The following SGCZ variants were observed in gnomAD, a reference collection of about 807,000 sequenced individuals.
SGCZ encodes sarcoglycan zeta.
SGCZ carries 40 observed loss-of-function variants against 41.3 expected under a neutral mutation model. The observed-to-expected ratio is 0.97, with a 90% confidence interval of 0.75 to 1.26. The LOEUF is 1.26. Ranked by LOEUF, SGCZ falls within the 50% of genes most tolerant of loss-of-function variation. SGCZ has a pLI of 0.00. For missense variants in SGCZ, 552 were observed against 369.8 expected, an observed-to-expected ratio of 1.49 and a Z score of -4.04; for synonymous variants, 206 against 137.5, an observed-to-expected ratio of 1.50 and a Z score of -3.49.
intron 1 of SGCZ, among the ~76,000 whole-genome samples, chr8:14,717,110 A>T (rs1809715107): frequency 6.6e-6 from 1 of 152,132 alleles, no homozygotes. Context: ...GAAATTCAAT[A>T]GTGTAAAAAA....
chr8:14,230,929 G>A (rs911039091), intron 4 of SGCZ, among the ~76,000 whole-genome samples: 10 of 151,876 alleles, frequency 6.6e-5, no homozygotes, highest in Admixed American at 1.3e-4. Context: ...TTAAACATAC[G>A]TGGTTGTACA....
At chr8:14,405,421 G>T (rs1276920472) in intron 2 of SGCZ, among the ~76,000 whole-genome samples, 1 of 152,132 alleles carries the variant, frequency 6.6e-6, no homozygotes, top group African/African-American at 2.4e-5. Flanking sequence ...AATGACATCA[G>T]ATTATTTTTT....
chr8:14,587,554 G>C (rs1805101233), intron 1 of SGCZ, among the ~76,000 whole-genome samples: 1 of 152,148 alleles, frequency 6.6e-6, no homozygotes, highest in Non-Finnish European at 1.5e-5. Context: ...TATATTGTTA[G>C]TAACTCTTTT....
chr8:14,242,336 A>G (rs539498603), intron 3 of SGCZ, among the ~76,000 whole-genome samples: 8 of 152,324 alleles, frequency 5.3e-5, no homozygotes, highest in Admixed American at 5.2e-4. Flanking sequence ...TACTTTACAT[A>G]TATGAGATCA....
chr8:14,883,321 G>A (rs935764166), intron 1 of SGCZ, among the ~76,000 whole-genome samples: 1 of 151,806 alleles, frequency 6.6e-6, no homozygotes, highest in African/African-American at 2.4e-5. Flanking sequence ...TTGGAATCCT[G>A]GGTTAAAAGA....
intron 1 of SGCZ, among the ~76,000 whole-genome samples, chr8:14,747,912 A>G (rs2247669): frequency 0.27 from 38,984 of 143,974 alleles, 6,119 homozygotes; most frequent in Non-Finnish European, 0.36. Flanking sequence ...TTTTAGTAGG[A>G]ACAGAGTTTC....
intron 2 of SGCZ, among the ~76,000 whole-genome samples, chr8:14,364,665 A>T (rs2117142623): frequency 6.6e-6 from 1 of 152,134 alleles, no homozygotes; most frequent in African/African-American, 2.4e-5. Flanking sequence ...CCTTATATAA[A>T]TTCCCTTTTT....
At chr8:14,510,378 T>G (rs747792286) in intron 2 of SGCZ, among the ~76,000 whole-genome samples, 1 of 152,122 alleles carries the variant, frequency 6.6e-6, no homozygotes, top group Non-Finnish European at 1.5e-5. Context: ...AAGTTATTGT[T>G]TTGTAATGTA....
intron 1 of SGCZ, among the ~76,000 whole-genome samples, chr8:14,909,581 A>G (rs902327501): frequency 9.9e-5 from 15 of 152,004 alleles, no homozygotes; most frequent in African/African-American, 3.6e-4. Context: ...AATCAATATG[A>G]TTTGTTAGGC....
At chr8:15,170,096 TTC>T (rs1456412828) in intron 1 of SGCZ, among the ~76,000 whole-genome samples, 1 of 151,906 alleles carries the variant, frequency 6.6e-6, no homozygotes, top group Non-Finnish European at 1.5e-5. Context: ...TTGAAAAACT[TTC>T]TGTCAATATG....
rs184472323 is a variant in SGCZ at position 14,323,025 on chromosome 8, G to C, written c.336+1078C>G. 2.3e-3 allele frequency among the ~76,000 whole-genome samples: 357 copies of C among 152,140 alleles called. 2 individuals are homozygous for C. The highest frequency in any genetic ancestry group is 8.2e-3 in the African/African-American group (341 of 41,532). ...CATCTGTCTACTGTGTTACTTGTCT[G>C]AACGATACCCAGAAACTAAAGGAGT... is the stretch of plus-strand genomic sequence containing the variant. On this transcript the variant is annotated intron_variant, in intron 3 of 7. Transcript: ENST00000382080.
At chr8:14,883,626 T>C (rs1014949664) in intron 1 of SGCZ, among the ~76,000 whole-genome samples, 5 of 152,092 alleles carry the variant, frequency 3.3e-5, no homozygotes, top group Admixed American at 2.6e-4. Flanking sequence ...TATTAATATA[T>C]GTTTGGTTAT....
intron 1 of SGCZ, among the ~76,000 whole-genome samples, chr8:14,741,457 T>C (rs1198509609): frequency 1.3e-5 from 2 of 152,108 alleles, no homozygotes; most frequent in East Asian, 1.9e-4. Context: ...TTTTACGTTT[T>C]ATAACAGATA....
chr8:14,733,837 G>A (rs1468904165), intron 1 of SGCZ, among the ~76,000 whole-genome samples: 1 of 152,116 alleles, frequency 6.6e-6, no homozygotes, highest in Non-Finnish European at 1.5e-5. Context: ...TAAATCCTAA[G>A]CAATTTTAAG....
At chr8:14,618,282 T>C (rs1806172241) in intron 1 of SGCZ, among the ~76,000 whole-genome samples, 1 of 152,134 alleles carries the variant, frequency 6.6e-6, no homozygotes, top group African/African-American at 2.4e-5. Context: ...AGAGCAGAAT[T>C]AATTTGGGAG....
At chr8:14,400,317 G>A (rs1448194747) in intron 2 of SGCZ, among the ~76,000 whole-genome samples, 3 of 152,028 alleles carry the variant, frequency 2.0e-5, no homozygotes, top group Non-Finnish European at 4.4e-5. Flanking sequence ...ACACATACAA[G>A]CATGCATGAA....
intron 2 of SGCZ, among the ~76,000 whole-genome samples, chr8:14,383,146 C>G (rs111291248): frequency 5.9e-5 from 9 of 152,158 alleles, no homozygotes; most frequent in African/African-American, 1.4e-4. Flanking sequence ...CAGTAGATAT[C>G]AGAAGGCTAT....
chr8:15,056,495 A>G (rs899179912), intron 1 of SGCZ, among the ~76,000 whole-genome samples: 23 of 152,122 alleles, frequency 1.5e-4, no homozygotes, highest in African/African-American at 5.3e-4. Flanking sequence ...ATGGATGAAT[A>G]CATGAATGAT....
intron 1 of SGCZ, among the ~76,000 whole-genome samples, chr8:14,652,533 T>C (rs1807440193): frequency 6.6e-6 from 1 of 152,026 alleles, no homozygotes. Context: ...TATGCAGAGC[T>C]GCAATTTGTT....
Sources: allele counts gnomAD v4.1 joint callset (sites outside exome capture counted in the v4.1 genomes callset), GRCh38; gene constraint gnomAD v4.1.1; transcripts MANE v1.5; gene names NCBI Gene and HGNC (gene_info 2026-07-23, HGNC 2026-07-21).